Variants in ZMYM1 observed in about 807,000 individuals in gnomAD.
ZMYM1 encodes zinc finger MYM-type protein 1.
Under a neutral mutation model 60.0 loss-of-function variants are expected in ZMYM1, and 39 were observed. The ratio of observed to expected loss-of-function variants is 0.65; its 90% CI spans 0.50 to 0.85. The LOEUF is 0.85. Among genes scored for constraint, ZMYM1 ranks in the 40% least tolerant of loss-of-function variants. ZMYM1 has a pLI of 0.00. For missense variants in ZMYM1, 1,171 were observed against 1,309.5 expected, an observed-to-expected ratio of 0.89 and a Z score of 1.63; for synonymous variants, 413 against 454.0, an observed-to-expected ratio of 0.91 and a Z score of 1.15.
intron 1 of ZMYM1, among the ~76,000 whole-genome samples, chr1:35,080,978 T>A (rs887475337): frequency 6.6e-6 from 1 of 152,122 alleles, no homozygotes; most frequent in Non-Finnish European, 1.5e-5. Context: ...CATTTCACTC[T>A]TGTCTCCCAG....
intron 1 of ZMYM1, among the ~76,000 whole-genome samples, chr1:35,084,645 T>C (rs1184510119): frequency 6.6e-6 from 1 of 152,234 alleles, no homozygotes; most frequent in Non-Finnish European, 1.5e-5. Context: ...AACCCCTCTA[T>C]CTTGCTGGTC....
intron 4 of ZMYM1, among the ~76,000 whole-genome samples, chr1:35,103,599 A>T (rs1311162838): frequency 6.6e-6 from 1 of 152,210 alleles, no homozygotes; most frequent in Non-Finnish European, 1.5e-5. Context: ...GACCATTGTG[A>T]ATAGTGCTGT....
rs748701568 is a variant in ZMYM1, at chr1:35,095,899, A to T, written c.169+8A>T. 3.2e-6 allele frequency: 5 copies of T among 1,565,712 alleles called. No individual in the cohort carries two copies. Among genetic ancestry groups the T allele is most frequent in the Non-Finnish European group, 4.4e-6 (5 of 1,139,042 alleles). Reference sequence around the variant, plus strand: ...CTGTGTTTTCAGAGAGTGGTAATAGAATTATTTAAGTTAGTTATGTTTATT... The same window carrying T: ...CTGTGTTTTCAGAGAGTGGTAATAGTATTATTTAAGTTAGTTATGTTTATT... On this transcript the variant is annotated splice_region_variant and intron_variant, in intron 3 of 9. Transcript: ENST00000359858.
intron 1 of ZMYM1, among the ~76,000 whole-genome samples, chr1:35,086,402 T>G (rs7554778): frequency 5.9e-5 from 9 of 152,050 alleles, no homozygotes; most frequent in Non-Finnish European, 8.8e-5. Context: ...CCTCCCAGGT[T>G]CAGGTGATCC....
At position 35,112,344 on chromosome 1, in the gene ZMYM1, A is replaced by AT. The variant is rs1356802689; in HGVS notation, c.1146+219dup. The stretch of plus-strand genomic sequence containing the variant: ...CAGCGCCTGCTACCATGCCCAGTTA[A>AT]TTTTTGTATTTTTAGTAGAGAAGGG... On this transcript the variant is annotated intron_variant, in intron 9 of 9. Transcript: ENST00000359858. Among the ~76,000 whole-genome samples, 9 of 151,414 alleles carry AT rather than the reference A, an allele frequency of 5.9e-5. No individual in the cohort carries two copies. In the East Asian group the frequency reaches 7.8e-4, roughly 13 times the overall value.
At chr1:35,098,201 A>G (rs1643442675) in intron 4 of ZMYM1, among the ~76,000 whole-genome samples, 2 of 152,110 alleles carry the variant, frequency 1.3e-5, no homozygotes, top group African/African-American at 4.8e-5. Flanking sequence ...GTTAGTTTGG[A>G]TTTTCCAAGA....
downstream of ZMYM1, among the ~76,000 whole-genome samples, chr1:35,117,935 C>T (rs535481578): frequency 1.6e-4 from 24 of 151,770 alleles, no homozygotes; most frequent in African/African-American, 5.6e-4. Flanking sequence ...AGAGAAACTC[C>T]GTTTCAAAAA....
intron 1 of ZMYM1, among the ~76,000 whole-genome samples, chr1:35,080,121 C>T (rs1486442042): frequency 2.0e-5 from 3 of 151,842 alleles, no homozygotes; most frequent in East Asian, 3.9e-4. Flanking sequence ...GAAATGTTTG[C>T]TGAACCCCAA....
intron 1 of ZMYM1, among the ~76,000 whole-genome samples, chr1:35,066,183 T>G (rs1431254164): frequency 6.6e-6 from 1 of 152,212 alleles, no homozygotes; most frequent in Non-Finnish European, 1.5e-5. Context: ...ATACTGGCAA[T>G]GAACAATTAG....
Position 35,110,364 on chromosome 1 carries a change from C to G in ZMYM1, c.878C>G (p.Thr293Arg). The change falls in exon 7 of 10, where the codon ACG becomes AGG. Residue 293 changes from threonine (T) to arginine (R), a missense_variant. Transcript: ENST00000359858. ...CCCTCAGATGAAATGATTGAGACTA[C>G]GAGTGATTTGGGGAAGACAGAGCTT... ...LKPSDEMIET[T>R]SDLGKTELFC... 2 of 1,596,334 alleles carry G rather than the reference C, an allele frequency of 1.3e-6. No individual in the cohort carries two copies. The highest frequency in any genetic ancestry group is 1.7e-6 in the Non-Finnish European group (2 of 1,172,408).
intron 1 of ZMYM1, among the ~76,000 whole-genome samples, chr1:35,072,001 G>A (rs1046513740): frequency 5.3e-5 from 8 of 152,264 alleles, no homozygotes; most frequent in Admixed American, 3.3e-4. Context: ...GCCAGTGGTG[G>A]TGCATGCCTG....
upstream of ZMYM1, among the ~76,000 whole-genome samples, chr1:35,074,921 C>A: frequency 6.6e-6 from 1 of 151,130 alleles, no homozygotes; most frequent in Non-Finnish European, 1.5e-5. Flanking sequence ...AGTGCAGTGG[C>A]GCGATCTCGG....
chr1:35,095,873 G>A lies in ZMYM1; in HGVS notation c.151G>A (p.Ala51Thr), dbSNP rs755950696. The A allele has an allele frequency of 1.2e-4, 199 of 1,608,880 alleles. 2 individuals carry two copies. In the East Asian group the frequency reaches 4.4e-3, roughly 36 times the overall value. Residue 51 changes from alanine (A) to threonine (T), a missense_variant, in exon 3 of 10, where the codon GCT becomes ACT. Physicochemically the swap from Ala to Thr is moderately conservative, Grantham distance 58. Transcript: ENST00000359858. ...TCAGGAGAATGAACTGAAAATAAAT[G>A]CTGTGTTTTCAGAGAGTGGTAATAG... ...RTQENELKIN[A>T]VFSESASQLT...
chr1:35,060,101 C>T (rs1641843271), intron 1 of ZMYM1, among the ~76,000 whole-genome samples: 1 of 151,616 alleles, frequency 6.6e-6, no homozygotes, highest in South Asian at 2.1e-4. Context: ...TTAAAGTTTA[C>T]ACCCTAGTAG....
chr1:35,093,927 G>A lies in ZMYM1; in HGVS notation c.-61G>A. 1 of 1,195,742 alleles carries A rather than the reference G, an allele frequency of 8.4e-7. No individual in the cohort carries two copies. Among genetic ancestry groups the A allele is most frequent in the East Asian group, 2.5e-5 (1 of 39,310 alleles). 74.1% of individuals were successfully genotyped at this position (1,195,742 alleles called of 1,614,324 possible). A position where few individuals can be genotyped will look rare whatever the true frequency, so the allele number is the denominator to read the frequency against. ...ATTTTATTTTAGGAATCTGGAAACT[G>A]TTCTTCAGGAAGAAACCCATTAGTT... On this transcript the variant is annotated 5_prime_UTR_variant, in exon 2 of 10. Transcript: ENST00000359858.
chr1:35,065,170 C>T (rs1400322433), intron 1 of ZMYM1, among the ~76,000 whole-genome samples: 1 of 151,808 alleles, frequency 6.6e-6, no homozygotes, highest in Admixed American at 6.6e-5. Flanking sequence ...AGGTTTTCTC[C>T]CCGCTGCCAC....
At position 35,089,738 on chromosome 1, in the gene ZMYM1, C is replaced by CT. The variant is rs71029065; in HGVS notation, c.-74-4151dup. On this transcript the variant is annotated intron_variant, in intron 1 of 9. Coordinates refer to ENST00000359858, the MANE Select transcript of ZMYM1 (RefSeq NM_024772.5). ...CCCTCCATAATGATTAGTTGTAAGGCTTTTTTTTTTTTTTTTTTTTTTTTT... is the reference window on the plus strand; with the variant it reads ...CCCTCCATAATGATTAGTTGTAAGGCTTTTTTTTTTTTTTTTTTTTTTTTTT... Among the ~76,000 whole-genome samples, 525 of 60,980 alleles carry CT rather than the reference C, an allele frequency of 8.6e-3. 74 individuals are homozygous for CT. The highest frequency in any genetic ancestry group is 0.028 in the African/African-American group (386 of 13,974). The allele number at this position is 60,980 out of a possible 152,430, so 40.0% of individuals were successfully genotyped here.
chr1:35,084,763 A>C (rs528311682), intron 1 of ZMYM1, among the ~76,000 whole-genome samples: 1 of 152,300 alleles, frequency 6.6e-6, no homozygotes, highest in South Asian at 2.1e-4. Flanking sequence ...GTAAATGTGC[A>C]GTTTAGGAGT....
upstream of ZMYM1, among the ~76,000 whole-genome samples, chr1:35,076,863 C>T (rs533964960): frequency 6.8e-6 from 1 of 147,364 alleles, no homozygotes; most frequent in African/African-American, 2.5e-5. Context: ...ACCCAGGAGG[C>T]AGAGGTTGCA....
Sources: gnomAD v4.1 joint callset for allele counts (sites outside exome capture counted in the v4.1 genomes callset) on GRCh38, gnomAD v4.1.1 for gene constraint, MANE v1.5 for transcripts, NCBI Gene and HGNC (gene_info 2026-07-23, HGNC 2026-07-21) for gene names.